The following RASIP1 variants were observed in gnomAD, a reference collection of about 807,000 sequenced individuals.
RASIP1 encodes Ras interacting protein 1.
In RASIP1, 20 loss-of-function variants were observed where a neutral mutation model predicts 85.3. The ratio of observed to expected loss-of-function variants is 0.23; its 90% confidence interval spans 0.17 to 0.34. RASIP1 has a LOEUF of 0.34. Among genes scored for constraint, RASIP1 ranks in the 10% least tolerant of loss-of-function variants. The pLI is 1.00. For missense variants in RASIP1, 1,170 were observed against 1,390.9 expected, an observed-to-expected ratio of 0.84 and a Z score of 2.53; for synonymous variants, 617 against 647.1, an observed-to-expected ratio of 0.95 and a Z score of 0.71.
At chr19:48,735,616 A>C in intron 3 of RASIP1, 65 bp from the exon 4 acceptor site, 1 of 1,403,170 alleles carries the variant, frequency 7.1e-7, no homozygotes, top group Non-Finnish European at 9.4e-7. Context: ...AGAGCTGCAG[A>C]TTATGAGACA....
At chr19:48,730,451 C>T (rs1211850600) in intron 4 of RASIP1, among the ~76,000 whole-genome samples, 1 of 152,052 alleles carries the variant, frequency 6.6e-6, no homozygotes, top group East Asian at 1.9e-4. Flanking sequence ...TGTGAGCCAC[C>T]ACACCCAGCC....
At chr19:48,722,300 A>ATTTTTT (rs71179038) in intron 10 of RASIP1, among the ~76,000 whole-genome samples, 4 of 98,334 alleles carry the variant, frequency 4.1e-5, no homozygotes, top group Non-Finnish European at 5.9e-5. Flanking sequence ...GTACTTGGGG[A>ATTTTTT]TTTTTTTTTT....
intron 8 of RASIP1, 79 bp from the exon 9 acceptor site, chr19:48,725,039 G>T (rs1222873919): frequency 6.6e-7 from 1 of 1,519,180 alleles, no homozygotes; most frequent in Non-Finnish European, 8.9e-7. Context: ...CATGAAGATA[G>T]TGGGGAGCTC....
chr19:48,735,446 G>T lies in RASIP1; in HGVS notation c.929C>A (p.Ala310Asp). Residue 310 changes from alanine to aspartate, a missense_variant, in exon 4 of 12, where the codon GCT (alanine) becomes GAT (aspartate). Coordinates refer to ENST00000222145, the MANE Select transcript of RASIP1 (RefSeq NM_017805.3). ...PGPGTGSGAPAGSGGKERSEN... is the reference protein window; with the variant it reads ...PGPGTGSGAPDGSGGKERSEN... ...TGAGCGCTCCTTGCCTCCAGACCCA[G>T]CTGGGGCCCCTGATCCGGTCCCCGG... 1 of 1,600,002 alleles carries T rather than the reference G, an allele frequency of 6.2e-7. No homozygotes were observed. Among genetic ancestry groups the T allele is most frequent in the Non-Finnish European group, 8.5e-7 (1 of 1,173,754 alleles).
At chr19:48,721,401 G>GT (rs2033237770) in intron 11 of RASIP1, among the ~76,000 whole-genome samples, 1 of 152,034 alleles carries the variant, frequency 6.6e-6, no homozygotes, top group Non-Finnish European at 1.5e-5. Context: ...TTGAACTCCT[G>GT]TATCTTGACG....
Position 48,738,964 on chromosome 19 carries a change from G to T in RASIP1, c.819C>A (p.Ser273Arg). The change falls in exon 3 of 12, where the codon AGC becomes AGA. Residue 273 changes from serine (S) to arginine (R), a missense_variant. Ser to Arg is a moderately radical substitution (Grantham distance 110). Coordinates refer to ENST00000222145, the MANE Select transcript of RASIP1 (RefSeq NM_017805.3). The surrounding 1 kb of genome is among the most constrained non-coding windows in gnomAD (Gnocchi z 4.0). ...LEQEAFGAAD[S>R]EGTGAPSWRP... ...AGAGCCCCGCCCGCCGCTCACCTTC[G>T]CTGTCCGCGGCCCCGAAGGCCTCCT... is the stretch of plus-strand genomic sequence containing the variant. The T allele has an allele frequency of 1.7e-6, 2 of 1,205,414 alleles. No homozygotes were observed. Among genetic ancestry groups the T allele is most frequent in the Non-Finnish European group, 2.1e-6 (2 of 973,774 alleles). 74.7% of individuals were successfully genotyped at this position (1,205,414 alleles called of 1,614,324 possible). A position where few individuals can be genotyped will look rare whatever the true frequency, so the allele number is the denominator to read the frequency against.
chr19:48,739,032 G>T lies in RASIP1; in HGVS notation c.751C>A (p.Arg251Ser). The change falls in exon 3 of 12, where the codon CGC becomes AGC. Residue 251 changes from arginine (R) to serine (S), a missense_variant. By Grantham distance (110) the Arg-to-Ser change is moderately radical. Around this residue, in one of 4 missense-constraint regions of RASIP1, gnomAD observed 299 missense variants for 394.4 expected, o/e 0.76. Coordinates refer to ENST00000222145, the MANE Select transcript of RASIP1 (RefSeq NM_017805.3). The surrounding 1 kb of genome is among the most constrained non-coding windows in gnomAD (Gnocchi z 9.2). ...LWRARPGWAR[R>S]FELRGREEAR... ...TCCTCGCGGCCGCGCAACTCGAAGCGCCGCGCCCAGCCGGGCCGCGCCCGC... is the reference window on the plus strand; with the variant it reads ...TCCTCGCGGCCGCGCAACTCGAAGCTCCGCGCCCAGCCGGGCCGCGCCCGC... The T allele has an allele frequency of 8.0e-7, 1 of 1,243,862 alleles. No homozygotes were observed. The highest frequency in any genetic ancestry group is 3.2e-5 in the South Asian group (1 of 31,012). 77.1% of individuals were successfully genotyped at this position (1,243,862 alleles called of 1,614,324 possible).
In RASIP1 at chr19:48,738,365, A is replaced by T. The variant is rs2033608846; in HGVS notation, c.823+595T>A. Reference sequence around the variant, plus strand: ...ACCACATCAAAGGAGAGTACAGTTTAAGCCATTAAGCTGCAGGATGTACAC... The same window carrying T: ...ACCACATCAAAGGAGAGTACAGTTTTAGCCATTAAGCTGCAGGATGTACAC... On this transcript the variant is annotated intron_variant, in intron 3 of 11. Coordinates refer to ENST00000222145, the MANE Select transcript of RASIP1 (RefSeq NM_017805.3). This position sits in a 1 kb window ranked among gnomAD's most constrained non-coding sequence, Gnocchi z 4.0. 1 of 152,250 alleles carries T rather than the reference A, an allele frequency of 6.6e-6. No individual in the cohort carries two copies. The highest frequency in any genetic ancestry group is 1.5e-5 in the Non-Finnish European group (1 of 68,064). 9.4% of individuals were successfully genotyped at this position (152,250 alleles called of 1,614,324 possible). A position where few individuals can be genotyped will look rare whatever the true frequency, so the allele number is the denominator to read the frequency against.
rs1249177019 is a variant in RASIP1, at chr19:48,739,182, C to A, written c.601G>T (p.Ala201Ser). 7 of 1,470,264 alleles carry A rather than the reference C, an allele frequency of 4.8e-6. No individual in the cohort carries two copies. Among genetic ancestry groups the A allele is most frequent in the Non-Finnish European group, 6.3e-6 (7 of 1,117,992 alleles). The allele number at this position is 1,470,264 out of a possible 1,614,324, so 91.1% of individuals were successfully genotyped here. Residue 201 changes from alanine (A) to serine (S), a missense_variant, in exon 3 of 12, where the codon GCC becomes TCC. By Grantham distance (99) the Ala-to-Ser change is moderately conservative. Coordinates refer to ENST00000222145, the MANE Select transcript of RASIP1 (RefSeq NM_017805.3). This position sits in a 1 kb window ranked among gnomAD's most constrained non-coding sequence, Gnocchi z 9.2. ...GGPGESSCVD[A>S]FALCDALGRP... ...CCCAGAGCGTCGCACAAAGCGAAGG[C>A]GTCCACGCAGCTGCTCTCGCCGGGG...
At position 48,724,878 on chromosome 19, in the gene RASIP1, A is replaced by G. The variant is rs2033314749; in HGVS notation, c.2210T>C (p.Leu737Pro). 6.2e-7 allele frequency: 1 copy of G among 1,614,260 alleles called. No homozygotes were observed. The highest frequency in any genetic ancestry group is 2.2e-5 in the East Asian group (1 of 44,890). Reference sequence around the variant, plus strand: ...TCTCAATCCTGGAGGCATGGCCCCCAGCTCCGCGCCAGGCCCCGGCAGCTC... The same window carrying G: ...TCTCAATCCTGGAGGCATGGCCCCCGGCTCCGCGCCAGGCCCCGGCAGCTC... Reference protein sequence around the residue: ...GAELPGPGAELGAMPPGLRPT... With the variant: ...GAELPGPGAEPGAMPPGLRPT... Residue 737 changes from leucine (L) to proline (P), a missense_variant, in exon 9 of 12, where the codon CTG (leucine) becomes CCG (proline). Physicochemically the swap from Leu to Pro is moderately conservative, Grantham distance 98. This residue lies in a region of RASIP1 where 426 missense variants were observed against 576.2 expected (regional missense o/e 0.74). Coordinates refer to ENST00000222145, the MANE Select transcript of RASIP1 (RefSeq NM_017805.3). The surrounding 1 kb of genome is among the most constrained non-coding windows in gnomAD (Gnocchi z 4.6).
chr19:48,737,430 A>G, intron 3 of RASIP1: 1 of 980,954 alleles, frequency 1.0e-6, no homozygotes, highest in Non-Finnish European at 1.2e-6. Flanking sequence ...GTCCACCACC[A>G]GCTGTTTGAC....
At chr19:48,728,389 G>A (rs1377743611) in intron 5 of RASIP1, among the ~76,000 whole-genome samples, 1 of 152,200 alleles carries the variant, frequency 6.6e-6, no homozygotes, top group Non-Finnish European at 1.5e-5. Flanking sequence ...GCTTAGGTGA[G>A]CTCTCCTAAG....
Position 48,738,872 on chromosome 19 carries a change from A to G in RASIP1, c.823+88T>C, listed in dbSNP as rs1314952510. The stretch of plus-strand genomic sequence containing the variant: ...GGGCCCCGCCCCCAGCCAGCCCGCG[A>G]GTCCCACAAGCCCCGCCCAGGCCCC... On this transcript the variant is annotated intron_variant, in intron 3 of 11. Coordinates refer to ENST00000222145, the MANE Select transcript of RASIP1 (RefSeq NM_017805.3). The surrounding 1 kb of genome is among the most constrained non-coding windows in gnomAD (Gnocchi z 4.0). 10 of 710,364 alleles carry G rather than the reference A, an allele frequency of 1.4e-5. No homozygotes were observed. Among genetic ancestry groups the G allele is most frequent in the Non-Finnish European group, 1.7e-5 (10 of 580,140 alleles). 44.0% of individuals were successfully genotyped at this position (710,364 alleles called of 1,614,324 possible).
In RASIP1 at chr19:48,724,426, C is replaced by G. The variant is rs1356812727; in HGVS notation, c.2455G>C (p.Ala819Pro). 1 of 1,614,052 alleles carries G rather than the reference C, an allele frequency of 6.2e-7. No individual in the cohort carries two copies. Among genetic ancestry groups the G allele is most frequent in the Admixed American group, 1.7e-5 (1 of 60,006 alleles). Reference sequence around the variant, plus strand: ...TCAGTGGCAATGTCGCCCAGCCCAGCTCCCTGTAGCCAGTCCAAGACGAGG... The same window carrying G: ...TCAGTGGCAATGTCGCCCAGCCCAGGTCCCTGTAGCCAGTCCAAGACGAGG... The part of the protein sequence containing the change: ...LDLVLDWLQG[A>P]GLGDIATEFF... Residue 819 changes from alanine (A) to proline (P), a missense_variant, in exon 10 of 12, where the codon GCT (alanine) becomes CCT (proline). Physicochemically the swap from Ala to Pro is conservative, Grantham distance 27. Around this residue, in one of 4 missense-constraint regions of RASIP1, gnomAD observed 426 missense variants for 576.2 expected, o/e 0.74. Transcript: ENST00000222145. The surrounding 1 kb of genome is among the most constrained non-coding windows in gnomAD (Gnocchi z 4.6).
chr19:48,724,152 G>A lies in RASIP1; in HGVS notation c.2544+185C>T, dbSNP rs1381371637. Among the ~76,000 whole-genome samples, 1 of 152,160 alleles carries A rather than the reference G, an allele frequency of 6.6e-6. No individual in the cohort carries two copies. The highest frequency in any genetic ancestry group is 2.4e-5 in the African/African-American group (1 of 41,442). On this transcript the variant is annotated intron_variant, in intron 10 of 11. Coordinates refer to ENST00000222145, the MANE Select transcript of RASIP1 (RefSeq NM_017805.3). This position sits in a 1 kb window ranked among gnomAD's most constrained non-coding sequence, Gnocchi z 4.6. ...GTTCCACCAGGATTCAGACACAGCC[G>A]AGTTTAGTCATTGTTGGTGCTGGCT...
chr19:48,733,507 A>G (rs1164357638), intron 4 of RASIP1, among the ~76,000 whole-genome samples: 1 of 152,156 alleles, frequency 6.6e-6, no homozygotes, highest in East Asian at 1.9e-4. Context: ...ATCACCTTCT[A>G]AAAATGGGTC....
At position 48,724,890 on chromosome 19, in the gene RASIP1, G is replaced by A. The variant is rs1261067002; in HGVS notation, c.2198C>T (p.Pro733Leu). Residue 733 changes from proline (P) to leucine (L), a missense_variant, in exon 9 of 12, where the codon CCT (proline) becomes CTT (leucine). Pro to Leu is a moderately conservative substitution (Grantham distance 98). This residue lies in a region of RASIP1 where 426 missense variants were observed against 576.2 expected (regional missense o/e 0.74). Transcript: ENST00000222145. The surrounding 1 kb of genome is among the most constrained non-coding windows in gnomAD (Gnocchi z 4.6). ...PFTAGAELPG[P>L]GAELGAMPPG... ...AGGCATGGCCCCCAGCTCCGCGCCA[G>A]GCCCCGGCAGCTCTGCACCAGCTGT... 5 of 1,614,266 alleles carry A rather than the reference G, an allele frequency of 3.1e-6. No homozygotes were observed. The East Asian group carries it at 1.1e-4, about 36-fold the overall frequency.
chr19:48,728,536 C>G (rs2122439670), intron 5 of RASIP1, among the ~76,000 whole-genome samples: 1 of 152,210 alleles, frequency 6.6e-6, no homozygotes, highest in East Asian at 1.9e-4. Context: ...GAGGCCGAGG[C>G]GGGCGAACCA....
At chr19:48,729,668 C>T in intron 4 of RASIP1, 78 bp from the exon 5 acceptor site, 1 of 955,706 alleles carries the variant, frequency 1.0e-6, no homozygotes, top group Admixed American at 2.5e-5. Context: ...TTTTCTACAA[C>T]AACTTTTCTA....
Sources: gnomAD v4.1 joint callset for allele counts (sites outside exome capture counted in the v4.1 genomes callset) on GRCh38, gnomAD v4.1.1 for gene constraint, gnomAD v4.1.1 regional missense constraint, Gnocchi (gnomAD v3.1) non-coding constraint, MANE v1.5 for transcripts, NCBI Gene and HGNC (gene_info 2026-07-23, HGNC 2026-07-21) for gene names.